Variants in SMARCC1 observed in about 807,000 individuals in gnomAD.
SMARCC1 encodes SWI/SNF related BAF chromatin remodeling complex subunit C1.
A neutral mutation model predicts 147.4 loss-of-function variants in SMARCC1; 43 were observed. That is an observed-to-expected ratio of 0.29 (90% CI 0.23 to 0.38). The LOEUF (loss-of-function observed/expected upper bound fraction) is 0.38. Ranked by LOEUF, SMARCC1 falls within the 10% of genes least tolerant of loss-of-function variation. The probability of loss-of-function intolerance (pLI) is 1.00; values close to 1 mark genes in which losing one functional copy is unlikely to be tolerated. For missense variants in SMARCC1, 1,119 were observed against 1,381.1 expected (o/e 0.81, Z 3.01); for synonymous variants, 495 against 484.4 (o/e 1.02, Z -0.29).
chr3:47,649,000 AAT>A (rs2033153477), intron 21 of SMARCC1, among the ~76,000 whole-genome samples: 1 of 152,244 alleles, frequency 6.6e-6, no homozygotes, highest in Non-Finnish European at 1.5e-5. Flanking sequence ...CTACCTAATA[AAT>A]ATGAGACATC....
intron 2 of SMARCC1, among the ~76,000 whole-genome samples, chr3:47,757,979 T>C (rs1449890458): frequency 1.3e-5 from 2 of 151,980 alleles, no homozygotes; most frequent in East Asian, 3.9e-4. Context: ...AAAAGAAATA[T>C]ATAAAAATAT....
chr3:47,715,418 C>G (rs2034143911), intron 7 of SMARCC1, among the ~76,000 whole-genome samples: 1 of 152,172 alleles, frequency 6.6e-6, no homozygotes, highest in Admixed American at 6.5e-5. Context: ...TCCTTGGAAA[C>G]AGCCTTGATT....
At chr3:47,605,269 CAT>C (rs2032453182) in intron 26 of SMARCC1, among the ~76,000 whole-genome samples, 1 of 152,182 alleles carries the variant, frequency 6.6e-6, no homozygotes, top group Non-Finnish European at 1.5e-5. Flanking sequence ...CAGAAATGTA[CAT>C]ATATGTCTTA....
At chr3:47,652,963 T>A (rs1296220867) in intron 21 of SMARCC1, among the ~76,000 whole-genome samples, 1 of 150,156 alleles carries the variant, frequency 6.7e-6, no homozygotes, top group Non-Finnish European at 1.5e-5. Context: ...TTTTTTTTTT[T>A]TTTTGAGACG....
At chr3:47,639,404 T>C (rs1327649005) in intron 21 of SMARCC1, among the ~76,000 whole-genome samples, 1 of 152,100 alleles carries the variant, frequency 6.6e-6, no homozygotes, top group Non-Finnish European at 1.5e-5. Context: ...TTTAGGAACC[T>C]AATAAACTAA....
chr3:47,761,955 T>C (rs2034779292), intron 2 of SMARCC1, among the ~76,000 whole-genome samples: 4 of 152,080 alleles, frequency 2.6e-5, no homozygotes, highest in Admixed American at 2.6e-4. Flanking sequence ...ATTTTTTTTG[T>C]ATTTTTAGTA....
At chr3:47,614,055 G>A (rs1180818023) in intron 25 of SMARCC1, among the ~76,000 whole-genome samples, 2 of 152,222 alleles carry the variant, frequency 1.3e-5, no homozygotes, top group Non-Finnish European at 2.9e-5. Context: ...AATATCAGCT[G>A]AGACTTGAAG....
At chr3:47,694,912 G>A (rs2033829739) in intron 11 of SMARCC1, among the ~76,000 whole-genome samples, 1 of 152,000 alleles carries the variant, frequency 6.6e-6, no homozygotes, top group Non-Finnish European at 1.5e-5. Flanking sequence ...TACATTTTTA[G>A]GATTCTAGTC....
chr3:47,694,625 A>G (rs779242407), intron 11 of SMARCC1, among the ~76,000 whole-genome samples: 4 of 152,220 alleles, frequency 2.6e-5, no homozygotes, highest in African/African-American at 4.8e-5. Flanking sequence ...AAAAAACCAC[A>G]GCCAAATTGC....
intron 14 of SMARCC1, among the ~76,000 whole-genome samples, chr3:47,682,644 A>C (rs909052879): frequency 2.6e-4 from 39 of 152,198 alleles, no homozygotes; most frequent in African/African-American, 9.4e-4. Flanking sequence ...AAGTTTGTCA[A>C]TTTTAACAGA....
chr3:47,711,023 A>T (rs2034077806), intron 8 of SMARCC1, among the ~76,000 whole-genome samples: 1 of 152,256 alleles, frequency 6.6e-6, no homozygotes, highest in Non-Finnish European at 1.5e-5. Context: ...AATTTATACT[A>T]GACCCAGATT....
intron 24 of SMARCC1, among the ~76,000 whole-genome samples, chr3:47,633,773 T>TAC (rs764020317): frequency 2.3e-4 from 3 of 13,220 alleles, no homozygotes; most frequent in African/African-American, 3.0e-4. Flanking sequence ...AATATATATA[T>TAC]ATATATACAC....
intron 16 of SMARCC1, among the ~76,000 whole-genome samples, 162 bp from the exon 17 acceptor site, chr3:47,676,944 A>AGT (rs2033582137): frequency 6.6e-6 from 1 of 152,206 alleles, no homozygotes; most frequent in Non-Finnish European, 1.5e-5. Flanking sequence ...TATGTGACGA[A>AGT]CAATTTCTAC....
chr3:47,590,678 G>A lies in SMARCC1; in HGVS notation c.3203C>T (p.Thr1068Ile). The A allele has an allele frequency of 6.4e-7, 1 of 1,555,762 alleles. No individual in the cohort carries two copies. The change falls in exon 27 of 28, where the codon ACA becomes ATA. Residue 1068 changes from threonine to isoleucine, a missense_variant. By Grantham distance (89) the Thr-to-Ile change is moderately conservative. Coordinates refer to ENST00000254480, the MANE Select transcript of SMARCC1 (RefSeq NM_003074.4). Reference sequence around the variant, plus strand: ...TTACTTACACATGCCGTTAGGTGCTGTCAGGGGTACCCGGGGTCCTAAGAT... The same window carrying A: ...TTACTTACACATGCCGTTAGGTGCTATCAGGGGTACCCGGGGTCCTAAGAT... ...GNILGPRVPL[T>I]APNGMYPPPP...
rs1042052996 is a variant in SMARCC1 at position 47,587,793 on chromosome 3, A to G, written c.*416T>C. 4 of 161,866 alleles carry G rather than the reference A, an allele frequency of 2.5e-5. No individual in the cohort carries two copies. The highest frequency in any genetic ancestry group is 5.4e-5 in the Non-Finnish European group (4 of 73,992). 10.0% of individuals were successfully genotyped at this position (161,866 alleles called of 1,614,324 possible). ...ACTTAGGATGCTCTCCTTTAAAACA[A>G]TAATAACAGAAAGATAAAAAGATAA... On this transcript the variant is annotated 3_prime_UTR_variant, in exon 28 of 28. Transcript: ENST00000254480.
Position 47,727,892 on chromosome 3 carries a change from T to C in SMARCC1, c.646+1133A>G, listed in dbSNP as rs117638492. ...AGGCCTGAGCCACAGCGCCAGGCCT[T>C]GTTTTTTAAGACATGAGATTTCACT... On this transcript the variant is annotated intron_variant, in intron 6 of 27. Transcript: ENST00000254480. 2.0e-5 allele frequency among the ~76,000 whole-genome samples: 3 copies of C among 151,862 alleles called. No individual in the cohort carries two copies. In the East Asian group the frequency reaches 5.9e-4, roughly 30 times the overall value.
chr3:47,744,415 T>C (rs1024949244), intron 3 of SMARCC1, among the ~76,000 whole-genome samples: 5 of 152,112 alleles, frequency 3.3e-5, no homozygotes, highest in African/African-American at 7.2e-5. Flanking sequence ...ACACCATCCA[T>C]ATATAAAAAG....
rs560839564 is a variant in SMARCC1 at position 47,737,681 on chromosome 3, A to C, written c.483+348T>G. 8.9e-4 allele frequency among the ~76,000 whole-genome samples: 136 copies of C among 152,020 alleles called. 1 individual carries two copies. Among genetic ancestry groups the C allele is most frequent in the Non-Finnish European group, 8.4e-4 (57 of 67,988 alleles). The stretch of plus-strand genomic sequence containing the variant: ...TTTTTGTTTTTGTTGTTTGAGACGG[A>C]GTCTCGCTCTGTTGCCCAGGCTGGA... On this transcript the variant is annotated intron_variant, in intron 4 of 27. Coordinates refer to ENST00000254480, the MANE Select transcript of SMARCC1 (RefSeq NM_003074.4).
At chr3:47,709,761 A>G (rs1358226795) in intron 9 of SMARCC1, among the ~76,000 whole-genome samples, 1 of 152,186 alleles carries the variant, frequency 6.6e-6, no homozygotes, top group Admixed American at 6.6e-5. Flanking sequence ...TCTAAAAGCT[A>G]TCACAAACCC....
Sources: gnomAD v4.1 joint callset for allele counts (sites outside exome capture counted in the v4.1 genomes callset) on GRCh38, gnomAD v4.1.1 for gene constraint, MANE v1.5 for transcripts, NCBI Gene and HGNC (gene_info 2026-07-23, HGNC 2026-07-21) for gene names.